The following KDM4C variants were observed in gnomAD, a reference collection of about 807,000 sequenced individuals.
The protein encoded by KDM4C is lysine-specific demethylase 4C.
A neutral mutation model predicts 129.3 loss-of-function variants in KDM4C; 81 were observed. The observed-to-expected ratio is 0.63, with a 90% CI of 0.52 to 0.75. KDM4C has a LOEUF of 0.75. Among genes scored for constraint, KDM4C ranks in the 30% least tolerant of loss-of-function variants. KDM4C has a pLI of 0.00. For synonymous variants in KDM4C, 573 were observed against 456.1 expected (o/e 1.26, Z -3.26); for missense variants, 1,457 against 1,304.0 (o/e 1.12, Z -1.81).
intron 17 of KDM4C, among the ~76,000 whole-genome samples, chr9:7,100,422 C>T (rs1384909735): frequency 6.6e-6 from 1 of 152,106 alleles, no homozygotes; most frequent in African/African-American, 2.4e-5. Context: ...TTACTGCAAC[C>T]TCTGCCTCCT....
At chr9:6,965,804 A>G (rs1438407402) in intron 8 of KDM4C, among the ~76,000 whole-genome samples, 1 of 152,182 alleles carries the variant, frequency 6.6e-6, no homozygotes, top group Non-Finnish European at 1.5e-5. Flanking sequence ...TACTCACTCT[A>G]CTGATTCACA....
intron 5 of KDM4C, among the ~76,000 whole-genome samples, chr9:6,859,368 G>A (rs925926214): frequency 5.3e-5 from 8 of 151,616 alleles, no homozygotes; most frequent in Middle Eastern, 3.4e-3. Flanking sequence ...CCAGCTACTC[G>A]GGAGGCTGAG....
At chr9:6,903,949 T>A (rs1817843367) in intron 8 of KDM4C, among the ~76,000 whole-genome samples, 2 of 152,180 alleles carry the variant, frequency 1.3e-5, no homozygotes, top group Admixed American at 1.3e-4. Context: ...GTTCAATATA[T>A]CTTTCATTAG....
chr9:6,832,263 C>T (rs542396991), intron 4 of KDM4C, among the ~76,000 whole-genome samples: 2 of 150,200 alleles, frequency 1.3e-5, no homozygotes, highest in East Asian at 4.0e-4. Context: ...TGGTGTGAAC[C>T]CGGGAGGCGG....
chr9:7,173,120 T>TG (rs1845125418), intron 21 of KDM4C, among the ~76,000 whole-genome samples: 1 of 152,250 alleles, frequency 6.6e-6, no homozygotes, highest in South Asian at 2.1e-4. Flanking sequence ...CTCACCTTTA[T>TG]GGGGTTCCCC....
chr9:6,987,871 C>T (rs945505154), intron 11 of KDM4C, among the ~76,000 whole-genome samples: 1 of 151,848 alleles, frequency 6.6e-6, no homozygotes, highest in Non-Finnish European at 1.5e-5. Context: ...AAATTTACAA[C>T]TTTGGCCAAA....
At chr9:6,745,875 T>C (rs1385687723) in intron 1 of KDM4C, among the ~76,000 whole-genome samples, 4 of 152,100 alleles carry the variant, frequency 2.6e-5, no homozygotes, top group Non-Finnish European at 5.9e-5. Context: ...AATGGTGTGA[T>C]CTCAGCTCAC....
chr9:7,166,747 A>G (rs1844429403), intron 20 of KDM4C, among the ~76,000 whole-genome samples: 1 of 152,238 alleles, frequency 6.6e-6, no homozygotes, highest in Non-Finnish European at 1.5e-5. Context: ...AAAGAATCAC[A>G]TAATGAGAAT....
intron 1 of KDM4C, among the ~76,000 whole-genome samples, chr9:6,741,706 A>T (rs1588052668): frequency 3.1e-5 from 3 of 96,246 alleles, no homozygotes; most frequent in Admixed American, 1.1e-4. Flanking sequence ...TCTTTTGGTG[A>T]CACTTTTTAT....
intron 8 of KDM4C, among the ~76,000 whole-genome samples, chr9:6,921,351 C>T (rs1231103525): frequency 6.6e-6 from 1 of 152,204 alleles, no homozygotes; most frequent in Admixed American, 6.5e-5. Flanking sequence ...TGATGGGCTT[C>T]ACAAACGTTA....
intron 1 of KDM4C, among the ~76,000 whole-genome samples, chr9:6,763,850 C>T (rs1035544116): frequency 6.6e-6 from 1 of 152,172 alleles, no homozygotes; most frequent in African/African-American, 2.4e-5. Context: ...CTCCGCCTCC[C>T]AGTTTCAAGC....
At chr9:6,867,923 C>T (rs1842300127) in intron 5 of KDM4C, among the ~76,000 whole-genome samples, 1 of 152,178 alleles carries the variant, frequency 6.6e-6, no homozygotes, top group African/African-American at 2.4e-5. Context: ...CCAAATCTTA[C>T]ACAGAACCCT....
At chr9:6,973,996 G>A (rs938181154) in intron 8 of KDM4C, 1 of 152,184 alleles carries the variant, frequency 6.6e-6, no homozygotes, top group African/African-American at 2.4e-5. Context: ...TTATGTTCCT[G>A]TGTACTCAGT....
chr9:6,851,417 G>T (rs1000300076), intron 5 of KDM4C, among the ~76,000 whole-genome samples: 1 of 152,158 alleles, frequency 6.6e-6, no homozygotes, highest in African/African-American at 2.4e-5. Flanking sequence ...GAGACTAGGA[G>T]AAATATTTTC....
intron 1 of KDM4C, among the ~76,000 whole-genome samples, chr9:6,784,204 G>A (rs1824986858): frequency 6.6e-6 from 1 of 152,166 alleles, no homozygotes. Flanking sequence ...TGATGGGGAA[G>A]CAGAGGCCTC....
At chr9:6,988,416 C>T (rs1229066643) in intron 11 of KDM4C, among the ~76,000 whole-genome samples, 1 of 152,006 alleles carries the variant, frequency 6.6e-6, no homozygotes, top group Non-Finnish European at 1.5e-5. Flanking sequence ...CAAAGACTGA[C>T]AGTAGAGAAA....
chr9:6,913,821 C>T (rs1589073706), intron 8 of KDM4C, among the ~76,000 whole-genome samples: 1 of 152,142 alleles, frequency 6.6e-6, no homozygotes, highest in African/African-American at 2.4e-5. Context: ...TCCTTTGAGG[C>T]CACACTAATG....
At chr9:6,830,623 T>C (rs1386062086) in intron 4 of KDM4C, among the ~76,000 whole-genome samples, 3 of 152,264 alleles carry the variant, frequency 2.0e-5, no homozygotes, top group African/African-American at 7.2e-5. Context: ...AATGATGAAG[T>C]ATAGTTTAAT....
intron 1 of KDM4C, among the ~76,000 whole-genome samples, chr9:6,730,940 T>A (rs150769602): frequency 1.4e-4 from 21 of 152,324 alleles, no homozygotes; most frequent in African/African-American, 4.8e-4. Flanking sequence ...CAATCTTGTG[T>A]ACCTATTTAG....
Sources: gnomAD v4.1 joint callset for allele counts (sites outside exome capture counted in the v4.1 genomes callset) on GRCh38, gnomAD v4.1.1 for gene constraint, MANE v1.5 for transcripts, NCBI Gene and HGNC (gene_info 2026-07-23, HGNC 2026-07-21) for gene names.